NBEAL1: variants seen among roughly 807,000 people sequenced by gnomAD.
NBEAL1 encodes the protein neurobeachin like 1.
In NBEAL1, 273 loss-of-function variants were observed where a neutral mutation model predicts 351.3. The observed-to-expected ratio is 0.78, with a 90% CI of 0.70 to 0.86. NBEAL1 has a LOEUF of 0.86. NBEAL1 is among the 40% of genes least tolerant of loss of function. The pLI is 0.00. For synonymous variants in NBEAL1, 1,050 were observed against 1,086.4 expected (o/e 0.97, Z 0.66); for missense variants, 2,961 against 3,201.3 (o/e 0.92, Z 1.81).
At chr2:203,209,090 A>C in intron 52 of NBEAL1, 71 bp from the exon 53 acceptor site, 2 of 1,229,542 alleles carry the variant, frequency 1.6e-6, no homozygotes, top group Non-Finnish European at 2.3e-6. Flanking sequence ...TATCTGGCCC[A>C]CTCTACTTTT....
At position 203,223,057 on chromosome 2, in the gene NBEAL1, T is replaced by C. The variant is rs186135024; in HGVS notation, c.*5703T>C. 4.6e-4 allele frequency among the ~76,000 whole-genome samples: 70 copies of C among 152,326 alleles called. No individual in the cohort carries two copies. Among genetic ancestry groups the C allele is most frequent in the Admixed American group, 1.6e-3 (24 of 15,298 alleles). On this transcript the variant is annotated 3_prime_UTR_variant, in exon 56 of 56. Transcript: ENST00000683969. ...TAGTGGCTGTATTATCAGATACTTATTTGATTATAGTAATTCATCAGACAC... is the reference window on the plus strand; with the variant it reads ...TAGTGGCTGTATTATCAGATACTTACTTGATTATAGTAATTCATCAGACAC...
At chr2:203,197,519 AGC>A (rs1309725963) in intron 48 of NBEAL1, 128 bp downstream of exon 48, 1 of 563,822 alleles carries the variant, frequency 1.8e-6, no homozygotes, top group African/African-American at 1.9e-5. Context: ...CTGTAATCCC[AGC>A]GCTTTGGGAG....
intron 46 of NBEAL1, among the ~76,000 whole-genome samples, chr2:203,193,342 T>C (rs2065149011): frequency 6.6e-6 from 1 of 152,182 alleles, no homozygotes; most frequent in Non-Finnish European, 1.5e-5. Context: ...TTTTGAATAC[T>C]ACATTTAATT....
chr2:203,100,998 C>T (rs891714018), intron 12 of NBEAL1, among the ~76,000 whole-genome samples: 1 of 152,182 alleles, frequency 6.6e-6, no homozygotes, highest in Non-Finnish European at 1.5e-5. Context: ...TTCTCCCATT[C>T]TGTAGGTTGT....
chr2:203,180,542 A>T, intron 43 of NBEAL1, 30 bp downstream of exon 43: 1 of 1,579,862 alleles, frequency 6.3e-7, no homozygotes, highest in Non-Finnish European at 8.6e-7. Flanking sequence ...AAATTTGACT[A>T]GCAGGTCCCA....
At chr2:203,087,408 C>G (rs906166882) in intron 10 of NBEAL1, among the ~76,000 whole-genome samples, 5 of 152,000 alleles carry the variant, frequency 3.3e-5, no homozygotes, top group African/African-American at 1.2e-4. Flanking sequence ...ACCCTTATCC[C>G]CTTCTACATT....
At chr2:203,106,458 A>C (rs2062441768) in intron 12 of NBEAL1, among the ~76,000 whole-genome samples, 1 of 152,152 alleles carries the variant, frequency 6.6e-6, no homozygotes, top group African/African-American at 2.4e-5. Flanking sequence ...CTTGTGACTT[A>C]ATCTCCATCT....
intron 51 of NBEAL1, among the ~76,000 whole-genome samples, chr2:203,206,937 C>G (rs1181419249): frequency 6.6e-6 from 1 of 151,214 alleles, no homozygotes; most frequent in African/African-American, 2.4e-5. Context: ...AAGTGAGGAG[C>G]GTCTCTGCCC....
At chr2:203,185,760 T>G (rs1439979403) in intron 44 of NBEAL1, among the ~76,000 whole-genome samples, 2 of 152,174 alleles carry the variant, frequency 1.3e-5, no homozygotes, top group South Asian at 2.1e-4. Flanking sequence ...GTAGTCAGAC[T>G]CCTCACCTGG....
At chr2:203,121,181 G>C (rs2062821913) in intron 18 of NBEAL1, among the ~76,000 whole-genome samples, 2 of 151,466 alleles carry the variant, frequency 1.3e-5, no homozygotes, top group Non-Finnish European at 2.9e-5. Flanking sequence ...GCCTGTAATT[G>C]TATTTTTATA....
In NBEAL1 at chr2:203,193,738, TAGTG is replaced by T. The variant is rs1401071574; in HGVS notation, c.6922-54_6922-51del. 1.1e-5 allele frequency: 13 copies of T among 1,167,764 alleles called. No individual in the cohort carries two copies. In the African/African-American group the frequency reaches 2.0e-4, roughly 18 times the overall value. The allele number at this position is 1,167,764 out of a possible 1,614,324, so 72.3% of individuals were successfully genotyped here. ...AGAGCCTAGTGTATATGAAGGAACATAGTGAGAGATTAATAACATAGATATGGAA... is the reference window on the plus strand; with the variant it reads ...AGAGCCTAGTGTATATGAAGGAACATAGAGATTAATAACATAGATATGGAA... On this transcript the variant is annotated intron_variant, in intron 46 of 55. Coordinates refer to ENST00000683969, the MANE Select transcript of NBEAL1 (RefSeq NM_001378026.1).
At chr2:203,184,652 A>G (rs991366948) in intron 44 of NBEAL1, among the ~76,000 whole-genome samples, 1 of 151,694 alleles carries the variant, frequency 6.6e-6, no homozygotes, top group Non-Finnish European at 1.5e-5. Context: ...AACATTTTCT[A>G]TCATTATATA....
intron 5 of NBEAL1, among the ~76,000 whole-genome samples, chr2:203,056,713 A>G (rs2061408752): frequency 6.6e-6 from 1 of 152,146 alleles, no homozygotes; most frequent in African/African-American, 2.4e-5. Context: ...TATTACAGGC[A>G]TGTGCCACCA....
intron 4 of NBEAL1, among the ~76,000 whole-genome samples, chr2:203,051,945 A>G (rs2061330768): frequency 1.3e-5 from 2 of 151,930 alleles, no homozygotes. Flanking sequence ...CCTTTCCCAT[A>G]CCCCTCAGTT....
chr2:203,149,228 C>T, intron 34 of NBEAL1, 80 bp downstream of exon 34: 2 of 966,128 alleles, frequency 2.1e-6, no homozygotes, highest in Admixed American at 5.9e-5. Context: ...TGCCCCCTTT[C>T]ACTCCAATTT....
chr2:203,122,471 T>C (rs927095380), intron 19 of NBEAL1, 128 bp downstream of exon 19: 3 of 606,468 alleles, frequency 4.9e-6, no homozygotes, highest in Non-Finnish European at 8.5e-6. Flanking sequence ...TATGCAAACA[T>C]ACAATTTGAA....
intron 6 of NBEAL1, among the ~76,000 whole-genome samples, chr2:203,065,289 T>C (rs1017573195): frequency 6.6e-6 from 1 of 152,132 alleles, no homozygotes; most frequent in Non-Finnish European, 1.5e-5. Flanking sequence ...GGATAAAGTG[T>C]TAACAGTGAA....
Position 203,223,542 on chromosome 2 carries a change from A to T in NBEAL1, c.*6188A>T, listed in dbSNP as rs1296873531. Among the ~76,000 whole-genome samples, 1 of 152,056 alleles carries T rather than the reference A, an allele frequency of 6.6e-6. No individual in the cohort carries two copies. The highest frequency in any genetic ancestry group is 1.5e-5 in the Non-Finnish European group (1 of 67,930). On this transcript the variant is annotated 3_prime_UTR_variant, in exon 56 of 56. Transcript: ENST00000683969. The stretch of plus-strand genomic sequence containing the variant: ...GCTTGTAATGCTGTTACAATGTAGC[A>T]TTGTAATGTAAGATGAAGAAAAATT...
intron 36 of NBEAL1, among the ~76,000 whole-genome samples, chr2:203,159,466 A>G (rs906696466): frequency 6.6e-5 from 10 of 152,122 alleles, no homozygotes; most frequent in Non-Finnish European, 4.4e-5. Context: ...TACAATTTGT[A>G]TCTGGCTTAT....
Sources: allele counts gnomAD v4.1 joint callset (sites outside exome capture counted in the v4.1 genomes callset), GRCh38; gene constraint gnomAD v4.1.1; transcripts MANE v1.5; gene names NCBI Gene and HGNC (gene_info 2026-07-23, HGNC 2026-07-21).